The following CASD1 variants were observed in gnomAD, a reference collection of about 807,000 sequenced individuals.
The protein encoded by CASD1 is CAS1 domain sialic acid O acetyltransferase 1.
In CASD1, 41 loss-of-function variants were observed where a neutral mutation model predicts 100.0. The observed-to-expected ratio is 0.41, with a 90% CI of 0.32 to 0.53. The LOEUF (loss-of-function observed/expected upper bound fraction) is 0.53, where lower values mean the gene tolerates loss of function less well. Among genes scored for constraint, CASD1 ranks in the 20% least tolerant of loss-of-function variants. CASD1 has a pLI of 0.25. For synonymous variants in CASD1, 321 were observed against 315.6 expected, an observed-to-expected ratio of 1.02 and a Z score of -0.18; for missense variants, 774 against 948.7, an observed-to-expected ratio of 0.82 and a Z score of 2.42.
chr7:94,539,535 G>A (rs980800413), intron 10 of CASD1, among the ~76,000 whole-genome samples: 6 of 151,968 alleles, frequency 3.9e-5, no homozygotes, highest in African/African-American at 1.4e-4. Context: ...CAGGCATGGC[G>A]GTGCATGCCT....
chr7:94,512,658 A>G (rs1046681812), intron 1 of CASD1, among the ~76,000 whole-genome samples: 1 of 152,200 alleles, frequency 6.6e-6, no homozygotes, highest in Non-Finnish European at 1.5e-5. Context: ...TAACCATTCT[A>G]TGAGGTAGAT....
the CASD1 span, chr7:94,598,246 G>T: frequency 5.7e-6 from 1 of 175,212 alleles, no homozygotes; most frequent in Non-Finnish European, 1.2e-5. Flanking sequence ...GATCCCTATA[G>T]CACTAGACAA....
Position 94,529,090 on chromosome 7 carries a change from T to A in CASD1, c.459+840T>A, listed in dbSNP as rs567586091. On this transcript the variant is annotated intron_variant, in intron 5 of 17. Transcript: ENST00000297273. The stretch of plus-strand genomic sequence containing the variant: ...CAAATGTTTTCAAAAAACAAACATG[T>A]AGACAACTTCTAGAATTCAAATTTC... Among the ~76,000 whole-genome samples, 3 of 152,298 alleles carry A rather than the reference T, an allele frequency of 2.0e-5. No homozygotes were observed. The South Asian group carries it at 6.2e-4, about 32-fold the overall frequency.
At chr7:94,624,106 A>G in the CASD1 span, 2 of 396,260 alleles carry the variant, frequency 5.0e-6, no homozygotes, top group African/African-American at 4.1e-5. Flanking sequence ...TCAAAACTTA[A>G]GGCCTATTTA....
At chr7:94,600,377 T>C in the CASD1 span, 1 of 396,990 alleles carries the variant, frequency 2.5e-6, no homozygotes, top group Non-Finnish European at 4.6e-6. Flanking sequence ...ATATCTAGCC[T>C]CAATTATTCT....
the CASD1 span, chr7:94,587,467 G>A: frequency 7.0e-5 from 87 of 1,235,158 alleles, no homozygotes; most frequent in Admixed American, 1.3e-4. Flanking sequence ...GGTTAATAAC[G>A]AAGAAGTTCT....
chr7:94,512,195 GGAA>G (rs1169379472), intron 1 of CASD1, among the ~76,000 whole-genome samples: 6 of 152,080 alleles, frequency 3.9e-5, no homozygotes, highest in Non-Finnish European at 8.8e-5. Flanking sequence ...GGGCCCCATT[GGAA>G]GAAGAAGAAC....
chr7:94,623,337 T>TAAA, the CASD1 span: 1 of 1,590,462 alleles, frequency 6.3e-7, no homozygotes, highest in Non-Finnish European at 8.6e-7. Flanking sequence ...TCTGCAGACA[T>TAAA]TATATTAATT....
At chr7:94,512,737 TTTGA>T (rs1793777874) in intron 1 of CASD1, among the ~76,000 whole-genome samples, 1 of 152,250 alleles carries the variant, frequency 6.6e-6, no homozygotes, top group Non-Finnish European at 1.5e-5. Context: ...TCTTTAAAAC[TTTGA>T]TTGCATGTCA....
chr7:94,548,421 T>G (rs769684941), intron 13 of CASD1, among the ~76,000 whole-genome samples: 1 of 151,692 alleles, frequency 6.6e-6, no homozygotes, highest in Non-Finnish European at 1.5e-5. Flanking sequence ...CTAGTGAATA[T>G]CTATATTCAT....
At chr7:94,549,687 T>G (rs753896970) in intron 14 of CASD1, 53 bp downstream of exon 14, 4 of 1,378,554 alleles carry the variant, frequency 2.9e-6, no homozygotes, top group Non-Finnish European at 4.1e-6. Context: ...TGTTGGAAAA[T>G]GATTGGAAAT....
downstream of CASD1, among the ~76,000 whole-genome samples, chr7:94,561,989 G>T (rs1796346112): frequency 6.6e-6 from 1 of 152,086 alleles, no homozygotes. Context: ...AGCATTGCAG[G>T]ACATTCTATA....
chr7:94,629,877 CAAATAAT>C, the CASD1 span: 1 of 1,607,816 alleles, frequency 6.2e-7, no homozygotes, highest in Non-Finnish European at 8.5e-7. Flanking sequence ...GACAGAAAGA[CAAATAAT>C]GAGATACGCC....
At position 94,547,182 on chromosome 7, in the gene CASD1, A is replaced by G; in HGVS notation, c.1713+7A>G. 1.3e-6 allele frequency: 2 copies of G among 1,550,248 alleles called. No individual in the cohort carries two copies. Among genetic ancestry groups the G allele is most frequent in the Middle Eastern group, 1.8e-4 (1 of 5,652 alleles). On this transcript the variant is annotated splice_region_variant and intron_variant, in intron 13 of 17. Coordinates refer to ENST00000297273, the MANE Select transcript of CASD1 (RefSeq NM_022900.5). ...TTTTTTGGCATATTCTCAGGTTTGT[A>G]CAATCTTTTCAGTTTATATTTTTTC...
At chr7:94,542,545 TA>T (rs1286233713) in intron 10 of CASD1, among the ~76,000 whole-genome samples, 1 of 152,200 alleles carries the variant, frequency 6.6e-6, no homozygotes, top group Non-Finnish European at 1.5e-5. Flanking sequence ...GTAACCTCAT[TA>T]AAAAATTACT....
the CASD1 span, among the ~76,000 whole-genome samples, chr7:94,572,703 CT>C: frequency 6.6e-6 from 1 of 152,088 alleles, no homozygotes; most frequent in South Asian, 2.1e-4. Context: ...TTGATAGTTT[CT>C]TTTGCTGTGC....
chr7:94,538,782 C>T (rs1319661534), intron 9 of CASD1, among the ~76,000 whole-genome samples, 185 bp from the exon 10 acceptor site: 1 of 152,096 alleles, frequency 6.6e-6, no homozygotes, highest in Non-Finnish European at 1.5e-5. Flanking sequence ...ATATTTAAAA[C>T]AGTTTTATAC....
intron 1 of CASD1, among the ~76,000 whole-genome samples, chr7:94,515,415 GTTT>G (rs33945937): frequency 8.2e-5 from 12 of 146,616 alleles, no homozygotes; most frequent in Admixed American, 1.4e-4. Flanking sequence ...TTTTGCTATG[GTTT>G]TTTTTTTTTT....
chr7:94,545,670 A>G lies in CASD1; in HGVS notation c.1602A>G (p.Leu534=), dbSNP rs73720654. Reference sequence around the variant, plus strand: ...TGGTCATATATGTTACTTTAGCACTATGGCCACAAATAATCCAAAAAAAAG... The same window carrying G: ...TGGTCATATATGTTACTTTAGCACTGTGGCCACAAATAATCCAAAAAAAAG... ...WFMVIYVTLA[L]WPQIIQKKAN... is the part of the protein sequence containing the mutation. The change falls in exon 12 of 18, where the codon CTA becomes CTG. Residue 534 remains leucine, a synonymous_variant. Transcript: ENST00000297273. 3,329 of 1,600,216 alleles carry G rather than the reference A, an allele frequency of 2.1e-3. 62 individuals are homozygous for G. The African/African-American group carries it at 0.039, about 19-fold the overall frequency.
Sources: gnomAD v4.1 joint callset for allele counts (sites outside exome capture counted in the v4.1 genomes callset) on GRCh38, gnomAD v4.1.1 for gene constraint, MANE v1.5 for transcripts, NCBI Gene and HGNC (gene_info 2026-07-23, HGNC 2026-07-21) for gene names.